PAN3: variants seen among roughly 807,000 people sequenced by gnomAD.
PAN3 encodes the protein poly(A) specific ribonuclease subunit PAN3, also known as PAN2-PAN3 deadenylation complex subunit PAN3.
PAN3 carries 19 observed loss-of-function variants against 96.2 expected under a neutral mutation model. The observed-to-expected ratio is 0.20, with a 90% CI of 0.14 to 0.29. The LOEUF is 0.29. Among genes scored for constraint, PAN3 ranks in the 10% least tolerant of loss-of-function variants. The pLI, the probability that PAN3 is intolerant of heterozygous loss-of-function variation, is 1.00. For synonymous variants in PAN3, 433 were observed against 406.6 expected, an observed-to-expected ratio of 1.06 and a Z score of -0.78; for missense variants, 882 against 1,108.1, an observed-to-expected ratio of 0.80 and a Z score of 2.90.
chr13:28,141,008 T>TA (rs201496284), intron 1 of PAN3, among the ~76,000 whole-genome samples: 134 of 128,598 alleles, frequency 1.0e-3, no homozygotes, highest in East Asian at 9.3e-3. Flanking sequence ...AGACACTTTT[T>TA]TTTTTTTTTT....
chr13:28,184,620 T>C (rs1876227906), intron 4 of PAN3, among the ~76,000 whole-genome samples: 1 of 152,162 alleles, frequency 6.6e-6, no homozygotes, highest in Non-Finnish European at 1.5e-5. Context: ...ACAGACAACT[T>C]TTCAGAAATG....
At chr13:28,143,886 T>A (rs923281271) in intron 1 of PAN3, among the ~76,000 whole-genome samples, 1 of 152,204 alleles carries the variant, frequency 6.6e-6, no homozygotes, top group Non-Finnish European at 1.5e-5. Flanking sequence ...GTGGCAAAGC[T>A]GTTTTTGTTT....
intron 1 of PAN3, among the ~76,000 whole-genome samples, chr13:28,147,720 A>C (rs759683975): frequency 6.6e-6 from 1 of 152,156 alleles, no homozygotes; most frequent in Non-Finnish European, 1.5e-5. Flanking sequence ...GTTTCTACTG[A>C]ACTCATATCA....
In PAN3 at chr13:28,293,387, G is replaced by GTTTTTTTTTTTTTTTTTTT. The variant is rs71086844; in HGVS notation, c.*876_*894dup. The GTTTTTTTTTTTTTTTTTTT allele has an allele frequency of 4.7e-5, 1 of 21,356 alleles. No individual in the cohort carries two copies. Among genetic ancestry groups the GTTTTTTTTTTTTTTTTTTT allele is most frequent in the African/African-American group, 2.0e-4 (1 of 4,970 alleles). 1.3% of individuals were successfully genotyped at this position (21,356 alleles called of 1,614,324 possible). A position where few individuals can be genotyped will look rare whatever the true frequency, so the allele number is the denominator to read the frequency against. The stretch of plus-strand genomic sequence containing the variant: ...ACTTTAGGTTCTTTCCAGTTTGCTG[G>GTTTTTTTTTTTTTTTTTTT]TTTTTTTTTTTTTTTTTTTTTTTTT... On this transcript the variant is annotated 3_prime_UTR_variant, in exon 19 of 19. Coordinates refer to ENST00000380958, the MANE Select transcript of PAN3 (RefSeq NM_175854.8).
In PAN3 at chr13:28,220,827, G is replaced by T. The variant is rs1245239889; in HGVS notation, c.1000+449G>T. Among the ~76,000 whole-genome samples the T allele has an allele frequency of 2.6e-5, 4 of 151,998 alleles. No homozygotes were observed. In the East Asian group the frequency reaches 7.7e-4, roughly 29 times the overall value. ...AGATGGTATTCCCTTTCAGATATTT[G>T]ATTATAAATGCTATAGTAGTAATTT... On this transcript the variant is annotated intron_variant, in intron 6 of 18. Transcript: ENST00000380958.
chr13:28,287,097 C>A (rs752396721), intron 17 of PAN3, among the ~76,000 whole-genome samples: 24 of 152,134 alleles, frequency 1.6e-4, no homozygotes, highest in Non-Finnish European at 2.6e-4. Context: ...AGACACATGA[C>A]CTTCCTTAAG....
intron 15 of PAN3, among the ~76,000 whole-genome samples, 173 bp downstream of exon 15, chr13:28,277,549 G>A (rs537877433): frequency 2.0e-5 from 3 of 152,284 alleles, no homozygotes; most frequent in African/African-American, 7.2e-5. Flanking sequence ...TGATAAACCA[G>A]TGTGTTTAAA....
chr13:28,258,399 A>G (rs1885397790), intron 7 of PAN3, among the ~76,000 whole-genome samples: 1 of 152,228 alleles, frequency 6.6e-6, no homozygotes, highest in African/African-American at 2.4e-5. Flanking sequence ...AGGCAGAGAA[A>G]AGAGTGATAA....
rs141680941 is a variant in PAN3, at chr13:28,260,477, A to G, written c.1279A>G (p.Thr427Ala). 4.3e-3 allele frequency: 6,981 copies of G among 1,613,214 alleles called. 27 individuals are homozygous for G. The highest frequency in any genetic ancestry group is 5.1e-3 in the Non-Finnish European group (6,061 of 1,179,274). ...TCCAAACTATCATATTTATCCTCCA[A>G]CTGCACCTCACGTTGCTTATATGCA... Reference protein sequence around the residue: ...VFPNYHIYPPTAPHVAYMQPK... With the variant: ...VFPNYHIYPPAAPHVAYMQPK... Residue 427 changes from threonine (T) to alanine (A), a missense_variant, in exon 8 of 19, where the codon ACT becomes GCT. Transcript: ENST00000380958.
intron 6 of PAN3, among the ~76,000 whole-genome samples, chr13:28,234,937 C>T (rs1882941324): frequency 6.6e-6 from 1 of 152,070 alleles, no homozygotes; most frequent in African/African-American, 2.4e-5. Context: ...GCTAATTGGT[C>T]TACCCTTGCA....
At chr13:28,178,624 GTTA>G (rs1875362972) in intron 4 of PAN3, among the ~76,000 whole-genome samples, 1 of 152,060 alleles carries the variant, frequency 6.6e-6, no homozygotes, top group Non-Finnish European at 1.5e-5. Context: ...CTTGGTGGAA[GTTA>G]TTATAAAGTT....
chr13:28,279,583 C>A (rs1293573094), intron 15 of PAN3, among the ~76,000 whole-genome samples: 4 of 151,682 alleles, frequency 2.6e-5, no homozygotes, highest in African/African-American at 7.3e-5. Flanking sequence ...CATGGTGAAA[C>A]CCTGTCTCTA....
intron 6 of PAN3, 111 bp from the exon 7 acceptor site, chr13:28,256,181 C>T (rs923150861): frequency 1.0e-5 from 12 of 1,175,728 alleles, no homozygotes; most frequent in South Asian, 3.0e-5. Context: ...TTTGCACTTA[C>T]GATCCCAAAG....
chr13:28,259,463 A>C (rs1322235142), intron 7 of PAN3, among the ~76,000 whole-genome samples: 1 of 151,278 alleles, frequency 6.6e-6, no homozygotes, highest in Non-Finnish European at 1.5e-5. Context: ...ATGCCACCAC[A>C]CCCGGCTAAT....
intron 6 of PAN3, among the ~76,000 whole-genome samples, chr13:28,237,147 G>A (rs1306596027): frequency 1.3e-5 from 2 of 151,876 alleles, no homozygotes; most frequent in African/African-American, 4.8e-5. Context: ...ACATTAGATT[G>A]GGCTGGAACA....
At chr13:28,239,563 T>C in intron 6 of PAN3, 1 of 1,260,106 alleles carries the variant, frequency 7.9e-7, no homozygotes, top group Non-Finnish European at 1.0e-6. Context: ...TGATTTTTGT[T>C]GGTTGTTTTC....
intron 18 of PAN3, among the ~76,000 whole-genome samples, chr13:28,291,492 G>A (rs936541031): frequency 6.6e-6 from 1 of 152,102 alleles, no homozygotes; most frequent in South Asian, 2.1e-4. Flanking sequence ...AATTTAAATA[G>A]CAAGGTGCTC....
chr13:28,238,676 A>G (rs986943327), intron 6 of PAN3, among the ~76,000 whole-genome samples: 1 of 152,194 alleles, frequency 6.6e-6, no homozygotes, highest in Non-Finnish European at 1.5e-5. Flanking sequence ...TTCTGTCTGG[A>G]TGCAGGCTTG....
chr13:28,140,804 C>G (rs1379195698), intron 1 of PAN3, among the ~76,000 whole-genome samples: 1 of 152,054 alleles, frequency 6.6e-6, no homozygotes, highest in Non-Finnish European at 1.5e-5. Flanking sequence ...GCTGATAATG[C>G]TAAGAAAATT....
Sources: allele counts gnomAD v4.1 joint callset (sites outside exome capture counted in the v4.1 genomes callset), GRCh38; gene constraint gnomAD v4.1.1; transcripts MANE v1.5; gene names NCBI Gene and HGNC (gene_info 2026-07-23, HGNC 2026-07-21).